Variants in SSBP1 observed in about 807,000 individuals in gnomAD.
The protein encoded by SSBP1 is single-stranded DNA-binding protein, mitochondrial.
SSBP1 carries 20 observed loss-of-function variants against 27.0 expected under a neutral mutation model. That is an observed-to-expected ratio of 0.74 (90% CI 0.52 to 1.08). The LOEUF (loss-of-function observed/expected upper bound fraction) is 1.08, where lower values mean the gene tolerates loss of function less well. SSBP1 is among the 50% of genes least tolerant of loss of function. The pLI, the probability that SSBP1 is intolerant of heterozygous loss-of-function variation, is 0.00. For missense variants in SSBP1, 137 were observed against 182.4 expected, an observed-to-expected ratio of 0.75 and a Z score of 1.44; for synonymous variants, 59 against 59.3, an observed-to-expected ratio of 1.00 and a Z score of 0.02.
chr7:141,741,277 T>A (rs1799518060), intron 2 of SSBP1: 1 of 152,316 alleles, frequency 6.6e-6, no homozygotes, highest in African/African-American at 2.4e-5. Flanking sequence ...GTTCTGCTCC[T>A]GTGAGAATCT....
chr7:141,748,001 A>C (rs1225857539), intron 6 of SSBP1, among the ~76,000 whole-genome samples: 1 of 147,690 alleles, frequency 6.8e-6, no homozygotes, highest in African/African-American at 2.6e-5. Context: ...CTCTCAAAAA[A>C]AAAAAAAAAA....
chr7:141,745,319 C>T (rs1282167133), intron 5 of SSBP1, among the ~76,000 whole-genome samples, 177 bp from the exon 6 acceptor site: 1 of 152,158 alleles, frequency 6.6e-6, no homozygotes, highest in Non-Finnish European at 1.5e-5. Flanking sequence ...GTTACCAAGT[C>T]TGTTTGGACA....
chr7:141,750,484 C>G lies in SSBP1; in HGVS notation c.*130C>G, dbSNP rs1189385931. ...AAATGAGTAATAATCTTTTTTCTGA[C>G]TGTCGTTCTCGCTCTCCTTTTTGTG... On this transcript the variant is annotated 3_prime_UTR_variant, in exon 7 of 7. Coordinates refer to ENST00000265304, the MANE Select transcript of SSBP1 (RefSeq NM_003143.3). 1.4e-6 allele frequency: 1 copy of G among 739,802 alleles called. No homozygotes were observed. The highest frequency in any genetic ancestry group is 3.5e-5 in the Admixed American group (1 of 28,622). The allele number at this position is 739,802 out of a possible 1,614,324, so 45.8% of individuals were successfully genotyped here.
chr7:141,744,033 G>T, intron 5 of SSBP1, 44 bp downstream of exon 5: 1 of 1,548,260 alleles, frequency 6.5e-7, no homozygotes, highest in Non-Finnish European at 8.8e-7. Context: ...ATGATTTAAA[G>T]AACCGATAAG....
intron 2 of SSBP1, chr7:141,741,886 TA>T (rs1799547503): frequency 1.2e-6 from 1 of 835,980 alleles, no homozygotes. Context: ...AGAAGTGCCA[TA>T]ATCAAGGAGA....
At position 141,744,030 on chromosome 7, in the gene SSBP1, A is replaced by G. The variant is rs760478932; in HGVS notation, c.314+41A>G. The G allele has an allele frequency of 7.0e-6, 11 of 1,565,254 alleles. No homozygotes were observed. In the African/African-American group the frequency reaches 1.1e-4, roughly 15 times the overall value. ...AAGGATCTTATGAATTGAATGATTT[A>G]AAGAACCGATAAGAAGTGTTCTCAT... On this transcript the variant is annotated intron_variant, in intron 5 of 6. Coordinates refer to ENST00000265304, the MANE Select transcript of SSBP1 (RefSeq NM_003143.3).
intron 6 of SSBP1, among the ~76,000 whole-genome samples, chr7:141,749,488 T>TA (rs1192495974): frequency 1.3e-5 from 2 of 152,210 alleles, no homozygotes; most frequent in Non-Finnish European, 2.9e-5. Context: ...ATTGGTATAT[T>TA]AAAATTATTC....
At chr7:141,740,987 A>G (rs1799505726) in intron 2 of SSBP1, 1 of 152,222 alleles carries the variant, frequency 6.6e-6, no homozygotes, top group South Asian at 2.1e-4. Context: ...TGACTTTGGA[A>G]TATGTTCCTG....
At chr7:141,745,157 A>G (rs1799729126) in intron 5 of SSBP1, among the ~76,000 whole-genome samples, 1 of 152,264 alleles carries the variant, frequency 6.6e-6, no homozygotes, top group Admixed American at 6.5e-5. Context: ...AGGGACTCCA[A>G]AATCAAAGGT....
At position 141,744,036 on chromosome 7, in the gene SSBP1, C is replaced by T. The variant is rs766288953; in HGVS notation, c.314+47C>T. 3 of 1,545,580 alleles carry T rather than the reference C, an allele frequency of 1.9e-6. No individual in the cohort carries two copies. In the Admixed American group the frequency reaches 5.4e-5, roughly 28 times the overall value. On this transcript the variant is annotated intron_variant, in intron 5 of 6. Transcript: ENST00000265304. ...CTTATGAATTGAATGATTTAAAGAA[C>T]CGATAAGAAGTGTTCTCATGGCAAG...
At chr7:141,742,258 G>A (rs1448246764) in intron 3 of SSBP1, 29 bp downstream of exon 3, 1 of 1,540,638 alleles carries the variant, frequency 6.5e-7, no homozygotes, top group East Asian at 2.3e-5. Context: ...AGTTTAAAAT[G>A]TTATTTTTAG....
At chr7:141,740,029 T>C (rs1799468217) in intron 2 of SSBP1, 1 of 152,224 alleles carries the variant, frequency 6.6e-6, no homozygotes, top group Admixed American at 6.5e-5. Context: ...AATAATCCTT[T>C]CCTAATCTTC....
chr7:141,742,811 C>T (rs1418522790), intron 3 of SSBP1, among the ~76,000 whole-genome samples: 1 of 152,202 alleles, frequency 6.6e-6, no homozygotes, highest in East Asian at 1.9e-4. Context: ...AAGTTGAAGT[C>T]ATATTTATAG....
Position 141,742,170 on chromosome 7 carries a change from T to C in SSBP1, c.26T>C (p.Val9Ala). The change falls in exon 3 of 7, where the codon GTA becomes GCA. Residue 9 changes from valine to alanine, a missense_variant and splice_region_variant. This residue lies in a region of SSBP1 where 42 missense variants were observed against 30.4 expected (regional missense o/e 1.38). Coordinates refer to ENST00000265304, the MANE Select transcript of SSBP1 (RefSeq NM_003143.3). ...TGTTATTCATTTGTTCTTCTTTAGG[T>C]ACTTCGTCAGTTTGTAAGACATGAG... is the stretch of plus-strand genomic sequence containing the variant. MFRRPVLQ[V>A]LRQFVRHESE... The C allele has an allele frequency of 6.3e-7, 1 of 1,599,584 alleles. No homozygotes were observed. Among genetic ancestry groups the C allele is most frequent in the South Asian group, 1.1e-5 (1 of 90,100 alleles).
At chr7:141,739,842 C>T (rs939601887) in intron 2 of SSBP1, 2 of 152,200 alleles carry the variant, frequency 1.3e-5, no homozygotes, top group Non-Finnish European at 2.9e-5. Context: ...GTCATTTTCC[C>T]CACCTTAATC....
At chr7:141,747,936 T>G (rs1474334059) in intron 6 of SSBP1, among the ~76,000 whole-genome samples, 1 of 147,390 alleles carries the variant, frequency 6.8e-6, no homozygotes, top group African/African-American at 2.5e-5. Flanking sequence ...AGGCAGTGTT[T>G]GTAGCGAATT....
At position 141,743,624 on chromosome 7, in the gene SSBP1, G is replaced by C; in HGVS notation, c.149G>C (p.Gly50Ala). 1 of 1,614,112 alleles carries C rather than the reference G, an allele frequency of 6.2e-7. No individual in the cohort carries two copies. The highest frequency in any genetic ancestry group is 8.5e-7 in the Non-Finnish European group (1 of 1,180,018). The part of the protein sequence containing the change: ...GQDPVLRQVE[G>A]KNPVTIFSLA... ...GACCCTGTCTTGAGACAGGTGGAAG[G>C]AAAAAATCCAGTCACAATATTTTCT... The change falls in exon 4 of 7, where the codon GGA (glycine) becomes GCA (alanine). Residue 50 changes from glycine (G) to alanine (A), a missense_variant. By Grantham distance (60) the Gly-to-Ala change is moderately conservative. Coordinates refer to ENST00000265304, the MANE Select transcript of SSBP1 (RefSeq NM_003143.3).
rs1241212231 is a variant in SSBP1, at chr7:141,743,942, A to G, written c.267A>G (p.Val89=). ...SQKTTWHRIS[V]FRPGLRDVAY... ...AGACAACATGGCACAGAATATCAGT[A>G]TTCCGGCCAGGCCTCAGAGACGTGG... is the stretch of plus-strand genomic sequence containing the variant. Residue 89 remains valine, a synonymous_variant, in exon 5 of 7, where the codon GTA becomes GTG. Transcript: ENST00000265304. 2 of 1,613,108 alleles carry G rather than the reference A, an allele frequency of 1.2e-6. No homozygotes were observed. The highest frequency in any genetic ancestry group is 4.5e-5 in the East Asian group (2 of 44,896).
chr7:141,738,951 T>G, intron 1 of SSBP1, 173 bp from the exon 2 acceptor site: 1 of 446,904 alleles, frequency 2.2e-6, no homozygotes, highest in South Asian at 4.3e-5. Context: ...AGGTGTGAGT[T>G]TATTTGGGAG....
Sources: gnomAD v4.1 joint callset for allele counts (sites outside exome capture counted in the v4.1 genomes callset) on GRCh38, gnomAD v4.1.1 for gene constraint, gnomAD v4.1.1 regional missense constraint, MANE v1.5 for transcripts, NCBI Gene and HGNC (gene_info 2026-07-23, HGNC 2026-07-21) for gene names.